SIPA1L3: variants seen among roughly 807,000 people sequenced by gnomAD.
SIPA1L3 encodes the protein signal induced proliferation associated 1 like 3, also known as signal-induced proliferation-associated 1-like protein 3.
Under a neutral mutation model 150.1 loss-of-function variants are expected in SIPA1L3, and 59 were observed. The ratio of observed to expected loss-of-function variants is 0.39; its 90% CI spans 0.32 to 0.49. The LOEUF (loss-of-function observed/expected upper bound fraction) is 0.49, where lower values mean the gene tolerates loss of function less well. Among genes scored for constraint, SIPA1L3 ranks in the 20% least tolerant of loss-of-function variants. The probability of loss-of-function intolerance (pLI) is 0.86; values close to 1 mark genes in which losing one functional copy is unlikely to be tolerated. For missense variants in SIPA1L3, 2,211 were observed against 2,489.5 expected (o/e 0.89, Z 2.38); for synonymous variants, 1,070 against 1,077.6 (o/e 0.99, Z 0.14).
chr19:38,019,991 G>T (rs1311182339), intron 1 of SIPA1L3, among the ~76,000 whole-genome samples: 1 of 152,132 alleles, frequency 6.6e-6, no homozygotes, highest in Non-Finnish European at 1.5e-5. Context: ...TACTCAGGAG[G>T]CTGAGACGAG....
chr19:38,016,242 G>C (rs901854853), intron 1 of SIPA1L3, among the ~76,000 whole-genome samples: 1 of 152,144 alleles, frequency 6.6e-6, no homozygotes. Context: ...TTGGAGATAG[G>C]GTTCTGTTAC....
chr19:37,997,728 G>A (rs763533233), intron 1 of SIPA1L3, among the ~76,000 whole-genome samples: 4 of 151,650 alleles, frequency 2.6e-5, no homozygotes, highest in African/African-American at 4.8e-5. Flanking sequence ...TTATCTGGGC[G>A]CAGTGGTGCG....
At chr19:38,028,428 A>G (rs1968565378) in intron 1 of SIPA1L3, among the ~76,000 whole-genome samples, 1 of 152,054 alleles carries the variant, frequency 6.6e-6, no homozygotes, top group Non-Finnish European at 1.5e-5. Context: ...AGGTAGTCAC[A>G]TGATCTGTGG....
chr19:38,150,820 C>T (rs185950746), intron 12 of SIPA1L3, among the ~76,000 whole-genome samples: 3 of 152,238 alleles, frequency 2.0e-5, no homozygotes, highest in East Asian at 1.9e-4. Flanking sequence ...GGATTACAGG[C>T]GTGAGCCACC....
chr19:38,146,726 G>T (rs1205574067), intron 12 of SIPA1L3, among the ~76,000 whole-genome samples: 1 of 152,170 alleles, frequency 6.6e-6, no homozygotes, highest in Non-Finnish European at 1.5e-5. Flanking sequence ...ACCATTTGGC[G>T]TTGTCACTGT....
At position 37,956,186 on chromosome 19, in the gene SIPA1L3, C is replaced by T. The variant is rs149043332; in HGVS notation, c.-379+48828C>T. ...CAGTATTTCTTTATCCTCACCAACG[C>T]TTATTGTTACAGCCATCCTGGTGGG... On this transcript the variant is annotated intron_variant, in intron 1 of 21. Coordinates refer to ENST00000222345, the MANE Select transcript of SIPA1L3 (RefSeq NM_015073.3). 6.2e-3 allele frequency among the ~76,000 whole-genome samples: 941 copies of T among 152,264 alleles called. 12 individuals are homozygous for T. The highest frequency in any genetic ancestry group is 0.022 in the African/African-American group (911 of 41,526).
intron 1 of SIPA1L3, among the ~76,000 whole-genome samples, chr19:37,930,338 C>T (rs548645195): frequency 6.6e-6 from 1 of 150,406 alleles, no homozygotes; most frequent in Admixed American, 6.6e-5. Context: ...TTTAATCATT[C>T]ATAGAGACGA....
intron 1 of SIPA1L3, among the ~76,000 whole-genome samples, chr19:37,997,480 A>G (rs1262458387): frequency 6.7e-6 from 1 of 149,886 alleles, no homozygotes. Context: ...AGGCACGAGA[A>G]TCACTTGAAC....
At chr19:38,174,636 G>C (rs1030506265) in intron 15 of SIPA1L3, among the ~76,000 whole-genome samples, 1 of 152,056 alleles carries the variant, frequency 6.6e-6, no homozygotes, top group Admixed American at 6.6e-5. Flanking sequence ...GATCACCTGA[G>C]GTCAGGAGTT....
In SIPA1L3 at chr19:38,119,819, C is replaced by T. The variant is rs1970976508; in HGVS notation, c.2805C>T (p.His935=). The stretch of plus-strand genomic sequence containing the variant: ...AAATCTTCTATGGACGAGGAGACCA[C>T]ATCTTCCTACAGGCGACAGAGGGTT... The part of the protein sequence containing the change: ...TLKIFYGRGD[H]IFLQATEGSV... Residue 935 remains histidine (H), a synonymous_variant, in exon 9 of 22, where the codon CAC becomes CAT. Coordinates refer to ENST00000222345, the MANE Select transcript of SIPA1L3 (RefSeq NM_015073.3). 1.2e-6 allele frequency: 2 copies of T among 1,613,592 alleles called. No homozygotes were observed. Among genetic ancestry groups the T allele is most frequent in the Middle Eastern group, 1.7e-4 (1 of 6,054 alleles).
Position 38,004,594 on chromosome 19 carries a change from C to G in SIPA1L3, c.-378-24495C>G, listed in dbSNP as rs1262402213. Reference sequence around the variant, plus strand: ...ACCCGCTCAGGCTTGTGTCCTTATCCCTGTCCTGAAAGAAAAAGAAGGTAT... The same window carrying G: ...ACCCGCTCAGGCTTGTGTCCTTATCGCTGTCCTGAAAGAAAAAGAAGGTAT... On this transcript the variant is annotated intron_variant, in intron 1 of 21. Coordinates refer to ENST00000222345, the MANE Select transcript of SIPA1L3 (RefSeq NM_015073.3). Among the ~76,000 whole-genome samples, 6 of 152,314 alleles carry G rather than the reference C, an allele frequency of 3.9e-5. No homozygotes were observed. In the East Asian group the frequency reaches 1.2e-3, roughly 29 times the overall value.
At chr19:37,932,792 T>G (rs2046567282) in intron 1 of SIPA1L3, 1 of 152,282 alleles carries the variant, frequency 6.6e-6, no homozygotes. Context: ...GTTTTCTCTT[T>G]TTTTCCCCCC....
At chr19:37,952,898 A>G (rs1182932492) in intron 1 of SIPA1L3, among the ~76,000 whole-genome samples, 1 of 152,032 alleles carries the variant, frequency 6.6e-6, no homozygotes. Flanking sequence ...TTTGAACACC[A>G]TCCTGGGTGA....
At chr19:37,909,683 C>T (rs1248638549) in intron 1 of SIPA1L3, among the ~76,000 whole-genome samples, 2 of 152,088 alleles carry the variant, frequency 1.3e-5, no homozygotes, top group African/African-American at 4.8e-5. Flanking sequence ...TGGTAAAGAT[C>T]GGCTGAGTTG....
intron 1 of SIPA1L3, among the ~76,000 whole-genome samples, chr19:37,960,729 TTTTTTG>T (rs1288313063): frequency 1.3e-5 from 2 of 151,892 alleles, no homozygotes; most frequent in Admixed American, 6.6e-5. Flanking sequence ...AATTTTTAAA[TTTTTTG>T]TAGAGATGAG....
At chr19:38,007,620 ATTC>A (rs201245606) in intron 1 of SIPA1L3, among the ~76,000 whole-genome samples, 2 of 151,252 alleles carry the variant, frequency 1.3e-5, no homozygotes, top group Non-Finnish European at 2.9e-5. Context: ...ATTATTATTA[ATTC>A]TTCTTCTACC....
In SIPA1L3 at chr19:37,934,738, A is replaced by G. The variant is rs544558983; in HGVS notation, c.-379+27380A>G. The stretch of plus-strand genomic sequence containing the variant: ...ACCCATGGTAACAATCAAGGACTGT[A>G]TGTATCTTTCCACATTTTTCTCCAT... On this transcript the variant is annotated intron_variant, in intron 1 of 21. Transcript: ENST00000222345. Among the ~76,000 whole-genome samples, 3 of 143,282 alleles carry G rather than the reference A, an allele frequency of 2.1e-5. No individual in the cohort carries two copies. The East Asian group carries it at 6.5e-4, about 31-fold the overall frequency. The allele number at this position is 143,282 out of a possible 152,430, so 94.0% of individuals were successfully genotyped here.
chr19:38,132,913 G>T (rs1445404265), intron 10 of SIPA1L3, among the ~76,000 whole-genome samples: 1 of 152,148 alleles, frequency 6.6e-6, no homozygotes, highest in South Asian at 2.1e-4. Context: ...CACCCAAAGT[G>T]CTGGGATTAC....
chr19:38,068,466 A>G (rs1398871260), intron 2 of SIPA1L3, among the ~76,000 whole-genome samples: 1 of 152,154 alleles, frequency 6.6e-6, no homozygotes, highest in Non-Finnish European at 1.5e-5. Flanking sequence ...ATTTCATCTT[A>G]TTTGGAGCAC....
Sources: gnomAD v4.1 joint callset for allele counts (sites outside exome capture counted in the v4.1 genomes callset) on GRCh38, gnomAD v4.1.1 for gene constraint, MANE v1.5 for transcripts, NCBI Gene and HGNC (gene_info 2026-07-23, HGNC 2026-07-21) for gene names.